USP33: variants seen among roughly 807,000 people sequenced by gnomAD.
USP33 encodes the protein ubiquitin carboxyl-terminal hydrolase 33.
A neutral mutation model predicts 124.2 loss-of-function variants in USP33; 46 were observed. The observed-to-expected ratio is 0.37, with a 90% CI of 0.29 to 0.47. The LOEUF (loss-of-function observed/expected upper bound fraction) is 0.47. USP33 is among the 20% of genes least tolerant of loss of function. USP33 has a pLI of 0.99. For synonymous variants in USP33, 350 were observed against 352.3 expected (o/e 0.99, Z 0.07); for missense variants, 851 against 1,070.6 (o/e 0.79, Z 2.86).
chr1:77,750,314 T>C (rs1680177505), intron 1 of USP33, among the ~76,000 whole-genome samples: 1 of 147,448 alleles, frequency 6.8e-6, no homozygotes, highest in Non-Finnish European at 1.5e-5. Flanking sequence ...CAAGGCTCCA[T>C]CTCCAAAAAA....
intron 21 of USP33, chr1:77,701,732 C>T (rs977069918): frequency 8.2e-5 from 22 of 267,918 alleles, no homozygotes; most frequent in South Asian, 3.5e-4. Context: ...TGCAATGGCA[C>T]GATCTGGGCT....
At chr1:77,748,957 T>G (rs996634975) in intron 1 of USP33, among the ~76,000 whole-genome samples, 3 of 152,236 alleles carry the variant, frequency 2.0e-5, no homozygotes, top group Non-Finnish European at 4.4e-5. Context: ...TTATATGCTA[T>G]GCTGCCTCTG....
chr1:77,756,613 C>T (rs1680826792), intron 1 of USP33, among the ~76,000 whole-genome samples: 1 of 152,182 alleles, frequency 6.6e-6, no homozygotes, highest in Admixed American at 6.5e-5. Context: ...GATGGAAAAC[C>T]ACCCAGCTCC....
At chr1:77,701,199 A>G (rs1297528395) in intron 22 of USP33, among the ~76,000 whole-genome samples, 170 bp downstream of exon 22, 2 of 152,212 alleles carry the variant, frequency 1.3e-5, no homozygotes, top group Non-Finnish European at 2.9e-5. Flanking sequence ...AAGTTTAACA[A>G]AATTTACAAC....
At chr1:77,744,973 C>A (rs1679577353) in intron 1 of USP33, among the ~76,000 whole-genome samples, 1 of 152,340 alleles carries the variant, frequency 6.6e-6, no homozygotes, top group South Asian at 2.1e-4. Context: ...AATTCCTGGA[C>A]ATCCCTGTTA....
chr1:77,735,527 A>C (rs1678340082), intron 6 of USP33, among the ~76,000 whole-genome samples: 3 of 152,228 alleles, frequency 2.0e-5, no homozygotes, highest in Admixed American at 1.3e-4. Flanking sequence ...CAAAGTGTTA[A>C]TTTCCAGATA....
At chr1:77,720,391 A>G (rs1676450317) in intron 15 of USP33, 1 of 985,418 alleles carries the variant, frequency 1.0e-6, no homozygotes, top group Non-Finnish European at 1.2e-6. Context: ...CCTTTTCAGC[A>G]GTCAGCTAGG....
At chr1:77,739,133 A>G in intron 5 of USP33, 132 bp downstream of exon 5, 1 of 1,082,636 alleles carries the variant, frequency 9.2e-7, no homozygotes, top group Non-Finnish European at 1.3e-6. Flanking sequence ...TTTGAGAGAA[A>G]AAAGGCACAT....
chr1:77,733,549 T>G (rs1281155568), intron 7 of USP33, among the ~76,000 whole-genome samples: 1 of 152,178 alleles, frequency 6.6e-6, no homozygotes, highest in Non-Finnish European at 1.5e-5. Context: ...AATTAGATTA[T>G]TTGGGGAAGA....
chr1:77,741,729 C>A lies in USP33; in HGVS notation c.-32G>T. On this transcript the variant is annotated 5_prime_UTR_variant, in exon 2 of 24. Transcript: ENST00000370794. The stretch of plus-strand genomic sequence containing the variant: ...AGGAATTTTTTCCTGTTTCCCAAGA[C>A]TTTCAAAATGAGGTAACACCTATAA... 6.2e-7 allele frequency: 1 copy of A among 1,601,758 alleles called. No individual in the cohort carries two copies. Among genetic ancestry groups the A allele is most frequent in the Non-Finnish European group, 8.5e-7 (1 of 1,175,502 alleles).
chr1:77,741,816 A>C, intron 1 of USP33, 68 bp from the exon 2 acceptor site: 18 of 1,384,232 alleles, frequency 1.3e-5, no homozygotes, highest in Non-Finnish European at 1.6e-5. Flanking sequence ...ATTCCAAAAA[A>C]TAAAAAAATT....
At chr1:77,720,193 AACC>A in intron 15 of USP33, 1 of 403,236 alleles carries the variant, frequency 2.5e-6, no homozygotes, top group African/African-American at 2.4e-5. Flanking sequence ...AAAAAAAAAA[AACC>A]TTTATTCTTA....
At chr1:77,734,916 G>A (rs1425465907) in intron 6 of USP33, among the ~76,000 whole-genome samples, 1 of 152,142 alleles carries the variant, frequency 6.6e-6, no homozygotes, top group East Asian at 1.9e-4. Context: ...GAGGTCAGGA[G>A]ATCGAGACCA....
At chr1:77,734,115 A>G (rs1306462471) in intron 7 of USP33, among the ~76,000 whole-genome samples, 1 of 152,340 alleles carries the variant, frequency 6.6e-6, no homozygotes, top group East Asian at 1.9e-4. Flanking sequence ...GTAAGAAACA[A>G]TAACTTGCTC....
intron 11 of USP33, among the ~76,000 whole-genome samples, chr1:77,724,719 C>T (rs187852226): frequency 3.9e-5 from 6 of 152,154 alleles, no homozygotes; most frequent in Non-Finnish European, 7.4e-5. Flanking sequence ...GGAAACAATT[C>T]AAAAGTCCAC....
At chr1:77,722,559 T>C (rs1169539569) in intron 12 of USP33, among the ~76,000 whole-genome samples, 2 of 152,136 alleles carry the variant, frequency 1.3e-5, no homozygotes, top group Non-Finnish European at 2.9e-5. Context: ...CCTTTGATGG[T>C]AGTTTTAAAA....
At chr1:77,712,876 A>G (rs562842479) in intron 20 of USP33, among the ~76,000 whole-genome samples, 4 of 152,178 alleles carry the variant, frequency 2.6e-5, no homozygotes, top group Non-Finnish European at 5.9e-5. Flanking sequence ...AGAAAAAAAA[A>G]TTTACAATTT....
intron 11 of USP33, among the ~76,000 whole-genome samples, 187 bp downstream of exon 11, chr1:77,725,435 T>C (rs1375791495): frequency 1.3e-5 from 2 of 152,236 alleles, no homozygotes; most frequent in East Asian, 3.8e-4. Flanking sequence ...AATTCAACTG[T>C]ATGTAAAATT....
chr1:77,698,217 C>A (rs374488585), intron 22 of USP33, among the ~76,000 whole-genome samples: 1 of 150,912 alleles, frequency 6.6e-6, no homozygotes, highest in Non-Finnish European at 1.5e-5. Context: ...GCACACACCA[C>A]CACGCCCGGC....
Sources: allele counts gnomAD v4.1 joint callset (sites outside exome capture counted in the v4.1 genomes callset), GRCh38; gene constraint gnomAD v4.1.1; transcripts MANE v1.5; gene names NCBI Gene and HGNC (gene_info 2026-07-23, HGNC 2026-07-21).